MREG: variants seen among roughly 807,000 people sequenced by gnomAD.
MREG encodes the protein melanoregulin.
A neutral mutation model predicts 28.5 loss-of-function variants in MREG; 31 were observed. The ratio of observed to expected loss-of-function variants is 1.09; its 90% CI spans 0.82 to 1.47. The LOEUF (loss-of-function observed/expected upper bound fraction) is 1.47. Ranked by LOEUF, MREG falls within the 40% of genes most tolerant of loss-of-function variation. MREG has a pLI of 0.00. For missense variants in MREG, 256 were observed against 257.4 expected (o/e 0.99, Z 0.04); for synonymous variants, 106 against 95.2 (o/e 1.11, Z -0.66).
At chr2:216,009,105 T>A (rs1694232217) in intron 1 of MREG, among the ~76,000 whole-genome samples, 1 of 152,194 alleles carries the variant, frequency 6.6e-6, no homozygotes, top group South Asian at 2.1e-4. Context: ...TAGGTTCCTG[T>A]GAGCCGATGG....
intron 1 of MREG, among the ~76,000 whole-genome samples, chr2:216,031,665 AAGAAAGAAAGAAAGAAAG>A (rs1553558862): frequency 1.2e-5 from 1 of 84,862 alleles, no homozygotes; most frequent in African/African-American, 4.3e-5. Context: ...GAAAGAAAGA[AAGAAAGAAAGAAAGAAAG>A]AAAGAAAGAG....
At chr2:215,977,262 A>G (rs1325538445) in intron 2 of MREG, among the ~76,000 whole-genome samples, 2 of 152,224 alleles carry the variant, frequency 1.3e-5, no homozygotes, top group East Asian at 3.8e-4. Context: ...TTAAACCAAC[A>G]AAGATCAAAA....
intron 4 of MREG, 62 bp downstream of exon 4, chr2:215,945,509 A>G (rs1025604460): frequency 6.7e-5 from 104 of 1,559,596 alleles, no homozygotes; most frequent in Non-Finnish European, 8.7e-5. Flanking sequence ...GATAGTGAAT[A>G]GTTTTAAAAA....
chr2:216,007,346 T>G (rs1479622040), intron 1 of MREG, among the ~76,000 whole-genome samples: 1 of 152,202 alleles, frequency 6.6e-6, no homozygotes, highest in Non-Finnish European at 1.5e-5. Flanking sequence ...CACTCAGGCT[T>G]CTTGGTTCAG....
At chr2:216,011,829 G>A (rs557189796) in intron 1 of MREG, among the ~76,000 whole-genome samples, 4 of 152,192 alleles carry the variant, frequency 2.6e-5, no homozygotes. Context: ...TGTATTTCAT[G>A]TTACTAAGAG....
chr2:215,981,093 A>C (rs949988613), intron 2 of MREG, among the ~76,000 whole-genome samples: 1 of 152,214 alleles, frequency 6.6e-6, no homozygotes, highest in African/African-American at 2.4e-5. Context: ...AACTTAAATA[A>C]ATTAAATAAT....
intron 2 of MREG, among the ~76,000 whole-genome samples, chr2:215,994,947 G>A (rs1296979981): frequency 6.6e-6 from 1 of 152,130 alleles, no homozygotes; most frequent in East Asian, 1.9e-4. Flanking sequence ...GTTTTGGGCA[G>A]AGTCAGGGGA....
Position 215,943,474 on chromosome 2 carries a change from C to A in MREG, c.*1389G>T, listed in dbSNP as rs973858019. Reference sequence around the variant, plus strand: ...CAGGTGCAGCTGCCAGCCAACGAATCAGAAACAGATGAAAGAGGAGAGAAG... The same window carrying A: ...CAGGTGCAGCTGCCAGCCAACGAATAAGAAACAGATGAAAGAGGAGAGAAG... On this transcript the variant is annotated 3_prime_UTR_variant, in exon 5 of 5. Transcript: ENST00000263268. 2.2e-6 allele frequency: 1 copy of A among 456,622 alleles called. No individual in the cohort carries two copies. The highest frequency in any genetic ancestry group is 4.4e-6 in the Non-Finnish European group (1 of 226,974). 28.3% of individuals were successfully genotyped at this position (456,622 alleles called of 1,614,324 possible).
chr2:215,997,651 A>G (rs1008507121), intron 1 of MREG, among the ~76,000 whole-genome samples: 19 of 152,326 alleles, frequency 1.2e-4, no homozygotes, highest in African/African-American at 4.6e-4. Context: ...GATAAGTGCC[A>G]TTAAGTGGGA....
intron 1 of MREG, among the ~76,000 whole-genome samples, chr2:216,028,979 T>TC (rs1294311713): frequency 6.6e-6 from 1 of 151,904 alleles, no homozygotes; most frequent in African/African-American, 2.4e-5. Context: ...GTTTTGGTTT[T>TC]CCCCCCATTG....
chr2:215,965,203 A>G (rs1044329057), intron 2 of MREG, among the ~76,000 whole-genome samples: 1 of 152,260 alleles, frequency 6.6e-6, no homozygotes, highest in Non-Finnish European at 1.5e-5. Flanking sequence ...CTCACAGGCC[A>G]TAACTCATCT....
At chr2:215,975,627 G>A (rs975587545) in intron 2 of MREG, among the ~76,000 whole-genome samples, 7 of 152,092 alleles carry the variant, frequency 4.6e-5, no homozygotes, top group African/African-American at 9.7e-5. Context: ...CAGTCCATTC[G>A]GGCAGAGATT....
upstream of MREG, among the ~76,000 whole-genome samples, chr2:216,015,770 G>C (rs1475277698): frequency 6.6e-6 from 1 of 152,156 alleles, no homozygotes; most frequent in Non-Finnish European, 1.5e-5. Flanking sequence ...GAGCCAACAG[G>C]ATATGCTGAA....
intron 2 of MREG, among the ~76,000 whole-genome samples, chr2:215,980,403 A>G (rs762155991): frequency 2.0e-5 from 3 of 152,188 alleles, no homozygotes; most frequent in Admixed American, 6.5e-5. Context: ...ACAGAGTAGA[A>G]TTCAGTTACA....
chr2:215,951,740 T>C (rs577179625), intron 2 of MREG, among the ~76,000 whole-genome samples: 18 of 152,212 alleles, frequency 1.2e-4, no homozygotes, highest in South Asian at 1.0e-3. Flanking sequence ...GATAAGAAGG[T>C]TGAGGCAACA....
chr2:215,979,528 T>C (rs1210751090), intron 2 of MREG, among the ~76,000 whole-genome samples: 1 of 149,844 alleles, frequency 6.7e-6, no homozygotes, highest in Non-Finnish European at 1.5e-5. Flanking sequence ...GTAAACAAAG[T>C]TATTCAATTA....
downstream of MREG, among the ~76,000 whole-genome samples, chr2:215,942,042 C>T (rs1204034981): frequency 6.6e-6 from 1 of 152,210 alleles, no homozygotes; most frequent in Non-Finnish European, 1.5e-5. Context: ...CATGTGTCCT[C>T]TGTGCCTTCT....
chr2:216,008,559 A>G (rs1694220791), intron 1 of MREG, among the ~76,000 whole-genome samples: 1 of 152,240 alleles, frequency 6.6e-6, no homozygotes, highest in South Asian at 2.1e-4. Context: ...TGCAGCTTCC[A>G]TTCATGATAA....
rs145878993 is a variant in MREG, at chr2:216,002,676, T to C, written c.96-6211A>G. On this transcript the variant is annotated intron_variant, in intron 1 of 4. Coordinates refer to ENST00000263268, the MANE Select transcript of MREG (RefSeq NM_018000.3). The stretch of plus-strand genomic sequence containing the variant: ...CTGCTACCCCCCTGGCTTCAAGACC[T>C]TTCCCTTCTTCCCTCTATTGAGACC... Among the ~76,000 whole-genome samples the C allele has an allele frequency of 6.8e-3, 1,038 of 151,878 alleles. 5 individuals carry two copies. Among genetic ancestry groups the C allele is most frequent in the African/African-American group, 0.024 (982 of 41,412 alleles).
Sources: allele counts gnomAD v4.1 joint callset (sites outside exome capture counted in the v4.1 genomes callset), GRCh38; gene constraint gnomAD v4.1.1; transcripts MANE v1.5; gene names NCBI Gene and HGNC (gene_info 2026-07-23, HGNC 2026-07-21).